Variants in SYNJ1 observed in about 807,000 individuals in gnomAD.
The protein encoded by SYNJ1 is synaptojanin 1.
In SYNJ1, 78 loss-of-function variants were observed where a neutral mutation model predicts 168.2. The ratio of observed to expected loss-of-function variants is 0.46; its 90% CI spans 0.39 to 0.56. The LOEUF is 0.56. Ranked by LOEUF, SYNJ1 falls within the 20% of genes least tolerant of loss-of-function variation. The pLI is 0.00. For missense variants in SYNJ1, 1,303 were observed against 1,597.6 expected (o/e 0.82, Z 3.14); for synonymous variants, 539 against 548.6 (o/e 0.98, Z 0.24).
chr21:32,637,440 G>C (rs1446308673), intron 31 of SYNJ1, among the ~76,000 whole-genome samples: 1 of 120,252 alleles, frequency 8.3e-6, no homozygotes, highest in Non-Finnish European at 1.6e-5. Context: ...ATGGAGTCTC[G>C]CTCTGTCACC....
At chr21:32,638,203 G>C (rs1363261483) in intron 31 of SYNJ1, among the ~76,000 whole-genome samples, 1 of 152,102 alleles carries the variant, frequency 6.6e-6, no homozygotes, top group Non-Finnish European at 1.5e-5. Flanking sequence ...CAAGTAGCCA[G>C]GACCACAGGT....
At chr21:32,657,211 C>T in intron 19 of SYNJ1, 91 bp from the exon 20 acceptor site, 1 of 857,210 alleles carries the variant, frequency 1.2e-6, no homozygotes, top group Non-Finnish European at 1.9e-6. Flanking sequence ...CTTTCATGAG[C>T]TTCAGTGGTT....
rs752344782 is a variant in SYNJ1 at position 32,629,051 on chromosome 21, T to G, written c.*2754A>C. The G allele has an allele frequency of 3.7e-4, 56 of 152,756 alleles. No individual in the cohort carries two copies. Among genetic ancestry groups the G allele is most frequent in the Non-Finnish European group, 2.5e-4 (17 of 68,036 alleles). 9.5% of individuals were successfully genotyped at this position (152,756 alleles called of 1,614,324 possible). ...AGTTATTTGCAGCATACCTTTAACT[T>G]TCATAACTTTGTGCATTTTCAGCAA... On this transcript the variant is annotated 3_prime_UTR_variant, in exon 33 of 33. Transcript: ENST00000674351.
At chr21:32,693,198 T>C (rs141012974) in intron 6 of SYNJ1, among the ~76,000 whole-genome samples, 1 of 151,946 alleles carries the variant, frequency 6.6e-6, no homozygotes, top group African/African-American at 2.4e-5. Context: ...GTTTCAGCAA[T>C]GTTCTTAAAG....
chr21:32,717,578 T>C (rs1042493221), intron 2 of SYNJ1, among the ~76,000 whole-genome samples: 1 of 152,228 alleles, frequency 6.6e-6, no homozygotes, highest in Non-Finnish European at 1.5e-5. Flanking sequence ...TGAAGCAGTA[T>C]ACCCTTTGCA....
At chr21:32,650,376 G>T (rs1293420103) in intron 22 of SYNJ1, 30 bp from the exon 23 acceptor site, 2 of 1,567,738 alleles carry the variant, frequency 1.3e-6, no homozygotes, top group African/African-American at 2.8e-5. Context: ...ATAAAATAAA[G>T]ATTAACATGA....
intron 18 of SYNJ1, among the ~76,000 whole-genome samples, chr21:32,664,692 TG>T (rs2040854517): frequency 6.6e-6 from 1 of 152,166 alleles, no homozygotes; most frequent in Non-Finnish European, 1.5e-5. Context: ...TGCTCCCAGC[TG>T]AATAAAGCCC....
rs552012402 is a variant in SYNJ1 at position 32,713,585 on chromosome 21, T to C, written c.125-11538A>G. On this transcript the variant is annotated intron_variant, in intron 2 of 32. Transcript: ENST00000674351. ...ATATGTCAACATGGATGATTTCCCA[T>C]ATGTCAACATGGATGATTTCCCATA... Among the ~76,000 whole-genome samples, 20 of 146,914 alleles carry C rather than the reference T, an allele frequency of 1.4e-4. 1 individual carries two copies. Among genetic ancestry groups the C allele is most frequent in the African/African-American group, 5.0e-4 (20 of 39,752 alleles).
chr21:32,722,273 G>A (rs1310668556), intron 2 of SYNJ1, among the ~76,000 whole-genome samples: 1 of 145,230 alleles, frequency 6.9e-6, no homozygotes, highest in Non-Finnish European at 1.5e-5. Context: ...TTATAGGGCT[G>A]GGCTTGGTGG....
chr21:32,649,411 C>T (rs2038556947), intron 23 of SYNJ1, among the ~76,000 whole-genome samples: 1 of 152,192 alleles, frequency 6.6e-6, no homozygotes. Context: ...GAAAAACTGG[C>T]TAGAATAGCA....
chr21:32,700,467 T>TA (rs1193408789), intron 3 of SYNJ1, among the ~76,000 whole-genome samples: 2 of 151,942 alleles, frequency 1.3e-5, no homozygotes, highest in Non-Finnish European at 2.9e-5. Context: ...CCACCCTGAC[T>TA]AACATGGAGA....
chr21:32,723,324 C>CACT (rs2043317883), intron 2 of SYNJ1, among the ~76,000 whole-genome samples: 5 of 152,200 alleles, frequency 3.3e-5, no homozygotes, highest in Admixed American at 3.3e-4. Flanking sequence ...TAAGTGATTG[C>CACT]TAATCCTCAA....
chr21:32,721,127 C>T (rs1323158814), intron 2 of SYNJ1, among the ~76,000 whole-genome samples: 1 of 152,208 alleles, frequency 6.6e-6, no homozygotes, highest in Non-Finnish European at 1.5e-5. Context: ...ATCACACAAG[C>T]TGCTTAAACT....
intron 3 of SYNJ1, among the ~76,000 whole-genome samples, chr21:32,701,182 T>C (rs2042386308): frequency 6.6e-6 from 1 of 152,176 alleles, no homozygotes; most frequent in African/African-American, 2.4e-5. Context: ...CGCAGTGCTT[T>C]ATATGTGATA....
chr21:32,651,301 T>C (rs933136056), intron 22 of SYNJ1, among the ~76,000 whole-genome samples: 3 of 152,274 alleles, frequency 2.0e-5, no homozygotes, highest in Admixed American at 6.5e-5. Context: ...TATGCTGTGC[T>C]GACAGTTGGC....
At chr21:32,675,280 GAACT>G (rs1365261923) in intron 13 of SYNJ1, among the ~76,000 whole-genome samples, 6 of 151,990 alleles carry the variant, frequency 3.9e-5, no homozygotes, top group Non-Finnish European at 7.4e-5. Context: ...CTCACTGTAT[GAACT>G]AATAAAGTCA....
intron 8 of SYNJ1, 82 bp downstream of exon 8, chr21:32,686,896 T>G: frequency 1.0e-6 from 1 of 956,030 alleles, no homozygotes; most frequent in Non-Finnish European, 1.5e-6. Context: ...CCTGGAAGAA[T>G]CTGATTACTG....
At chr21:32,654,696 T>C (rs2040396716) in intron 21 of SYNJ1, among the ~76,000 whole-genome samples, 2 of 152,348 alleles carry the variant, frequency 1.3e-5, no homozygotes, top group East Asian at 1.9e-4. Flanking sequence ...TATCTATTGA[T>C]TTATGTAAGT....
intron 26 of SYNJ1, among the ~76,000 whole-genome samples, chr21:32,644,373 A>C (rs974372311): frequency 6.6e-6 from 1 of 152,236 alleles, no homozygotes; most frequent in African/African-American, 2.4e-5. Flanking sequence ...GCTACAATAG[A>C]AACAGACCAG....
Sources: gnomAD v4.1 joint callset for allele counts (sites outside exome capture counted in the v4.1 genomes callset) on GRCh38, gnomAD v4.1.1 for gene constraint, MANE v1.5 for transcripts, NCBI Gene and HGNC (gene_info 2026-07-23, HGNC 2026-07-21) for gene names.